The following WDPCP variants were observed in gnomAD, a reference collection of about 807,000 sequenced individuals.
WDPCP encodes the protein WD repeat containing planar cell polarity effector.
WDPCP carries 71 observed loss-of-function variants against 93.1 expected under a neutral mutation model. The observed-to-expected ratio is 0.76, with a 90% CI of 0.63 to 0.93. The LOEUF (loss-of-function observed/expected upper bound fraction) is 0.93. Ranked by LOEUF, WDPCP falls within the 40% of genes least tolerant of loss-of-function variation. The pLI, the probability that WDPCP is intolerant of heterozygous loss-of-function variation, is 0.00. For synonymous variants in WDPCP, 315 were observed against 315.0 expected, an observed-to-expected ratio of 1.00 and a Z score of 0.00; for missense variants, 844 against 887.4, an observed-to-expected ratio of 0.95 and a Z score of 0.62.
intron 2 of WDPCP, among the ~76,000 whole-genome samples, chr2:63,729,708 G>C (rs901447018): frequency 2.6e-5 from 4 of 151,918 alleles, no homozygotes; most frequent in African/African-American, 9.7e-5. Context: ...TTCATCTATA[G>C]TTTAAGGCTA....
At chr2:63,217,209 G>T (rs1677432817) in intron 14 of WDPCP, among the ~76,000 whole-genome samples, 1 of 152,162 alleles carries the variant, frequency 6.6e-6, no homozygotes, top group African/African-American at 2.4e-5. Flanking sequence ...TCTGAGATCT[G>T]TCAATGTTAT....
Position 63,588,213 on chromosome 2 carries a change from G to A in WDPCP, c.59C>T (p.Ser20Phe), listed in dbSNP as rs1435264991. 3.2e-6 allele frequency: 5 copies of A among 1,572,168 alleles called. No individual in the cohort carries two copies. Among genetic ancestry groups the A allele is most frequent in the Non-Finnish European group, 4.3e-6 (5 of 1,156,368 alleles). Residue 20 changes from serine to phenylalanine, a missense_variant, in exon 1 of 18, where the codon TCC (serine) becomes TTC (phenylalanine). Transcript: ENST00000272321. Reference protein sequence around the residue: ...YSKAAGSRASSPLPRQDRDSF... With the variant: ...YSKAAGSRASFPLPRQDRDSF... ...AGGGCTCACCTGTCTCGGGAGTGGG[G>A]AAGAAGCGCGACTCCCGGCCGCTTT...
At chr2:63,800,947 C>A (rs572228214) in intron 2 of WDPCP, among the ~76,000 whole-genome samples, 1 of 151,772 alleles carries the variant, frequency 6.6e-6, no homozygotes, top group Non-Finnish European at 1.5e-5. Context: ...CCAGCTACTC[C>A]GGAGGCTGAG....
chr2:63,163,803 C>T (rs1459447889), intron 15 of WDPCP, among the ~76,000 whole-genome samples: 1 of 152,018 alleles, frequency 6.6e-6, no homozygotes, highest in African/African-American at 2.4e-5. Context: ...TTTGTAAACA[C>T]TGAAAATTTT....
chr2:63,264,635 T>A (rs945259953), intron 13 of WDPCP, among the ~76,000 whole-genome samples: 1 of 152,190 alleles, frequency 6.6e-6, no homozygotes, highest in Non-Finnish European at 1.5e-5. Flanking sequence ...ATAATGGTAG[T>A]AGACTTCATT....
intron 14 of WDPCP, among the ~76,000 whole-genome samples, chr2:63,203,153 CTTT>C (rs899891337): frequency 6.6e-6 from 1 of 151,844 alleles, no homozygotes; most frequent in Non-Finnish European, 1.5e-5. Context: ...TGGCACCTGT[CTTT>C]TTTATTAATT....
At chr2:63,547,295 T>C (rs1036111121) in intron 1 of WDPCP, among the ~76,000 whole-genome samples, 1 of 152,030 alleles carries the variant, frequency 6.6e-6, no homozygotes, top group Non-Finnish European at 1.5e-5. Context: ...TAGGCTCAAC[T>C]ATTAAACACT....
chr2:63,287,275 G>A (rs1393240556), intron 13 of WDPCP, among the ~76,000 whole-genome samples: 1 of 151,220 alleles, frequency 6.6e-6, no homozygotes, highest in African/African-American at 2.4e-5. Flanking sequence ...ATATAATTCA[G>A]TCCATGACAC....
chr2:63,486,445 G>T, intron 4 of WDPCP, 97 bp downstream of exon 4: 1 of 1,106,158 alleles, frequency 9.0e-7, no homozygotes, highest in Non-Finnish European at 1.3e-6. Flanking sequence ...TAAAAAATTT[G>T]GAGGGAATAA....
intron 14 of WDPCP, among the ~76,000 whole-genome samples, chr2:63,241,389 C>G (rs1353821612): frequency 6.6e-6 from 1 of 152,102 alleles, no homozygotes; most frequent in Non-Finnish European, 1.5e-5. Context: ...AATAATATAA[C>G]GCACCCTGTA....
At chr2:63,759,484 CT>C (rs1161099587) in intron 2 of WDPCP, among the ~76,000 whole-genome samples, 3 of 152,170 alleles carry the variant, frequency 2.0e-5, no homozygotes, top group Non-Finnish European at 1.5e-5. Flanking sequence ...AAATGTGAGG[CT>C]TTTTGTCCAG....
chr2:63,704,571 T>G (rs1321375604), intron 2 of WDPCP, among the ~76,000 whole-genome samples: 3 of 152,222 alleles, frequency 2.0e-5, no homozygotes, highest in Non-Finnish European at 2.9e-5. Flanking sequence ...GGTTTTTGTC[T>G]TTGGTTCTGT....
intron 14 of WDPCP, chr2:63,229,574 A>G (rs1250236373): frequency 1.3e-5 from 2 of 152,106 alleles, no homozygotes; most frequent in Admixed American, 1.3e-4. Context: ...TAGGTCTAAC[A>G]TTTAAGTCTT....
chr2:63,465,134 A>ATTAT (rs912139828), intron 6 of WDPCP, among the ~76,000 whole-genome samples: 119 of 151,788 alleles, frequency 7.8e-4, no homozygotes, highest in Admixed American at 1.5e-3. Flanking sequence ...AAATTTATTT[A>ATTAT]TTATTTATTT....
At chr2:63,669,068 A>G (rs1710316416) in intron 2 of WDPCP, among the ~76,000 whole-genome samples, 2 of 152,198 alleles carry the variant, frequency 1.3e-5, no homozygotes, top group South Asian at 2.1e-4. Context: ...CTTCTGTCGA[A>G]TGCTTAGGTC....
At chr2:63,651,778 A>ATAACTCAGTACTATAACC (rs1453714430) in intron 2 of WDPCP, among the ~76,000 whole-genome samples, 1 of 152,200 alleles carries the variant, frequency 6.6e-6, no homozygotes, top group Non-Finnish European at 1.5e-5. Flanking sequence ...GTTTGATCTA[A>ATAACTCAGTACTATAACC]TAACTCAGTA....
At chr2:63,458,831 AT>A in intron 6 of WDPCP, among the ~76,000 whole-genome samples, 1 of 152,176 alleles carries the variant, frequency 6.6e-6, no homozygotes, top group Non-Finnish European at 1.5e-5. Flanking sequence ...TTCAAAACAT[AT>A]TACAAGGATA....
Position 63,493,786 on chromosome 2 carries a change from GTATT to G in WDPCP, c.76-850_76-847del, listed in dbSNP as rs548549417. Among the ~76,000 whole-genome samples, 29 of 152,106 alleles carry G rather than the reference GTATT, an allele frequency of 1.9e-4. No individual in the cohort carries two copies. In the East Asian group the frequency reaches 5.2e-3, roughly 27 times the overall value. On this transcript the variant is annotated intron_variant, in intron 1 of 17. Transcript: ENST00000272321. ...TTGGAAATAAACATAGTACTATACT[GTATT>G]TATGTTATACTACATATTAGAAATA... is the stretch of plus-strand genomic sequence containing the variant.
chr2:63,246,981 T>A (rs1680325715), intron 14 of WDPCP, among the ~76,000 whole-genome samples: 1 of 152,166 alleles, frequency 6.6e-6, no homozygotes, highest in South Asian at 2.1e-4. Flanking sequence ...TGAAAATGTG[T>A]GATGGGCTTA....
Sources: allele counts gnomAD v4.1 joint callset (sites outside exome capture counted in the v4.1 genomes callset), GRCh38; gene constraint gnomAD v4.1.1; transcripts MANE v1.5; gene names NCBI Gene and HGNC (gene_info 2026-07-23, HGNC 2026-07-21).